The following ATRNL1 variants were observed in gnomAD, a reference collection of about 807,000 sequenced individuals.
ATRNL1 encodes the protein attractin like 1.
In ATRNL1, 95 loss-of-function variants were observed where a neutral mutation model predicts 182.7. The ratio of observed to expected loss-of-function variants is 0.52; its 90% CI spans 0.44 to 0.62. The LOEUF (loss-of-function observed/expected upper bound fraction) is 0.62, where lower values mean the gene tolerates loss of function less well. Among genes scored for constraint, ATRNL1 ranks in the 20% least tolerant of loss-of-function variants. The probability of loss-of-function intolerance (pLI) is 0.00; values close to 1 mark genes in which losing one functional copy is unlikely to be tolerated. For missense variants in ATRNL1, 1,471 were observed against 1,679.5 expected (o/e 0.88, Z 2.17); for synonymous variants, 576 against 568.3 (o/e 1.01, Z -0.19).
At chr10:115,622,484 G>A (rs1565221955) in intron 26 of ATRNL1, among the ~76,000 whole-genome samples, 1 of 152,176 alleles carries the variant, frequency 6.6e-6, no homozygotes, top group Non-Finnish European at 1.5e-5. Context: ...GCATGAGTGT[G>A]TGAGGGTCCT....
chr10:115,386,006 C>A (rs1858325832), intron 19 of ATRNL1, among the ~76,000 whole-genome samples: 2 of 151,912 alleles, frequency 1.3e-5, no homozygotes, highest in Admixed American at 6.6e-5. Flanking sequence ...AGTCTTCTGT[C>A]TTCGTCTTTT....
At chr10:115,754,679 A>G (rs1477448759) in intron 27 of ATRNL1, among the ~76,000 whole-genome samples, 1 of 152,174 alleles carries the variant, frequency 6.6e-6, no homozygotes, top group Non-Finnish European at 1.5e-5. Context: ...TATGAACTTT[A>G]AAGTAGTGTT....
At chr10:115,416,667 A>G (rs994608952) in intron 20 of ATRNL1, among the ~76,000 whole-genome samples, 16 of 152,168 alleles carry the variant, frequency 1.1e-4, no homozygotes, top group African/African-American at 3.9e-4. Context: ...CTTCCAAGAA[A>G]TTTGTAGTTT....
chr10:115,491,737 C>A (rs574157489), intron 24 of ATRNL1, among the ~76,000 whole-genome samples: 1 of 152,274 alleles, frequency 6.6e-6, no homozygotes, highest in Admixed American at 6.5e-5. Flanking sequence ...GCTTCAGCCC[C>A]CTTTCCAGGA....
intron 26 of ATRNL1, among the ~76,000 whole-genome samples, chr10:115,604,670 C>G (rs945363577): frequency 1.3e-5 from 2 of 152,072 alleles, no homozygotes; most frequent in Admixed American, 6.6e-5. Flanking sequence ...ACATCACAGG[C>G]TATACTATGC....
chr10:115,764,067 T>A (rs916337300), intron 27 of ATRNL1, among the ~76,000 whole-genome samples: 1 of 152,218 alleles, frequency 6.6e-6, no homozygotes, highest in African/African-American at 2.4e-5. Flanking sequence ...TGTTCTCTGC[T>A]TTATAGATGC....
chr10:115,523,200 C>G (rs1231878295), intron 25 of ATRNL1, among the ~76,000 whole-genome samples: 1 of 152,104 alleles, frequency 6.6e-6, no homozygotes, highest in Non-Finnish European at 1.5e-5. Context: ...ATTTGAGCAG[C>G]GAGATGTGGG....
chr10:115,541,205 A>T (rs1852339386), intron 25 of ATRNL1, among the ~76,000 whole-genome samples: 1 of 152,318 alleles, frequency 6.6e-6, no homozygotes, highest in East Asian at 1.9e-4. Flanking sequence ...ACTCATATAA[A>T]TCAATTAAGA....
At chr10:115,224,880 A>C (rs1282017391) in intron 9 of ATRNL1, among the ~76,000 whole-genome samples, 4 of 152,158 alleles carry the variant, frequency 2.6e-5, no homozygotes, top group Non-Finnish European at 5.9e-5. Context: ...TGAACAAATA[A>C]AAACAAAACA....
Position 115,536,615 on chromosome 10 carries a change from C to G in ATRNL1, c.3717-12843C>G, listed in dbSNP as rs527461557. Among the ~76,000 whole-genome samples the G allele has an allele frequency of 7.3e-4, 111 of 152,302 alleles. 1 individual carries two copies. The highest frequency in any genetic ancestry group is 1.5e-3 in the Admixed American group (23 of 15,298). ...TCGGCTCTCGCACGGTGCGCTGCAC[C>G]CACTGTCCTGCGCCCACTGTCTGGC... On this transcript the variant is annotated intron_variant, in intron 25 of 28. Coordinates refer to ENST00000355044, the MANE Select transcript of ATRNL1 (RefSeq NM_207303.4).
At chr10:115,534,485 A>G (rs1225530810) in intron 25 of ATRNL1, among the ~76,000 whole-genome samples, 2 of 152,136 alleles carry the variant, frequency 1.3e-5, no homozygotes, top group African/African-American at 4.8e-5. Context: ...TTTCATTTTG[A>G]GCTTATGTGT....
At chr10:115,901,329 T>C (rs1478524995) in intron 28 of ATRNL1, among the ~76,000 whole-genome samples, 1 of 152,182 alleles carries the variant, frequency 6.6e-6, no homozygotes, top group Non-Finnish European at 1.5e-5. Flanking sequence ...AAATTCATCT[T>C]TAAAACTTGA....
chr10:115,778,956 G>T (rs1949196260), intron 27 of ATRNL1, among the ~76,000 whole-genome samples: 1 of 152,162 alleles, frequency 6.6e-6, no homozygotes, highest in Non-Finnish European at 1.5e-5. Flanking sequence ...CCAAAGTGGG[G>T]TTCAGTAAGT....
At chr10:115,196,766 C>T (rs746618511) in intron 8 of ATRNL1, among the ~76,000 whole-genome samples, 10 of 152,162 alleles carry the variant, frequency 6.6e-5, no homozygotes, top group South Asian at 4.1e-4. Flanking sequence ...GGTCATGCAA[C>T]GTTGCTAAAC....
At position 115,241,598 on chromosome 10, in the gene ATRNL1, C is replaced by G; in HGVS notation, c.1560C>G (p.Ala520=). ...CTATTTTGAAAGAAAGTGGGTTTGCCAGATACCTTCATTCAGCTGTTCTTA... is the reference window on the plus strand; with the variant it reads ...CTATTTTGAAAGAAAGTGGGTTTGCGAGATACCTTCATTCAGCTGTTCTTA... ...TWTILKESGF[A]RYLHSAVLIN... is the part of the protein sequence containing the mutation. Residue 520 remains alanine (A), a synonymous_variant, in exon 10 of 29, where the codon GCC becomes GCG. Coordinates refer to ENST00000355044, the MANE Select transcript of ATRNL1 (RefSeq NM_207303.4). The G allele has an allele frequency of 2.5e-6, 4 of 1,604,700 alleles. No homozygotes were observed. The Middle Eastern group carries it at 5.0e-4, about 200-fold the overall frequency.
At chr10:115,391,058 G>C (rs1252145227) in intron 19 of ATRNL1, among the ~76,000 whole-genome samples, 1 of 151,784 alleles carries the variant, frequency 6.6e-6, no homozygotes, top group African/African-American at 2.4e-5. Context: ...GAATCTTTAG[G>C]GTTTTCTGTA....
chr10:115,357,352 A>T (rs79300146), intron 19 of ATRNL1, among the ~76,000 whole-genome samples: 1,957 of 151,936 alleles, frequency 0.013, 35 homozygotes, highest in African/African-American at 0.044. Flanking sequence ...TATTTGTACA[A>T]TTTTTTCAAA....
At chr10:115,790,083 T>A (rs1555081355) in intron 27 of ATRNL1, among the ~76,000 whole-genome samples, 1 of 152,158 alleles carries the variant, frequency 6.6e-6, no homozygotes, top group African/African-American at 2.4e-5. Flanking sequence ...TGCTTTTATT[T>A]TTTTCAGACA....
At chr10:115,899,177 A>C (rs782782165) in intron 28 of ATRNL1, among the ~76,000 whole-genome samples, 3 of 151,952 alleles carry the variant, frequency 2.0e-5, no homozygotes, top group African/African-American at 4.8e-5. Context: ...TCATTGTTCA[A>C]TTCCCATCTA....
Sources: gnomAD v4.1 joint callset for allele counts (sites outside exome capture counted in the v4.1 genomes callset) on GRCh38, gnomAD v4.1.1 for gene constraint, MANE v1.5 for transcripts, NCBI Gene and HGNC (gene_info 2026-07-23, HGNC 2026-07-21) for gene names.